FLNB: variants seen among roughly 807,000 people sequenced by gnomAD.
The protein encoded by FLNB is filamin-B.
Under a neutral mutation model 250.6 loss-of-function variants are expected in FLNB, and 111 were observed. The observed-to-expected ratio is 0.44, with a 90% CI of 0.38 to 0.52. The LOEUF is 0.52. FLNB is among the 20% of genes least tolerant of loss of function. The pLI is 0.00. For missense variants in FLNB, 2,869 were observed against 3,447.8 expected (o/e 0.83, Z 4.20); for synonymous variants, 1,302 against 1,372.1 (o/e 0.95, Z 1.13).
Position 58,159,568 on chromosome 3 carries a change from A to T in FLNB, c.6903A>T (p.Lys2301Asn). The change falls in exon 42 of 46, where the codon AAA (lysine) becomes AAT (asparagine). Residue 2301 changes from lysine (K) to asparagine (N), a missense_variant. Coordinates refer to ENST00000295956, the MANE Select transcript of FLNB (RefSeq NM_001457.4). The stretch of plus-strand genomic sequence containing the variant: ...TAAATTCTCAGGAATCGGGATTAAA[A>T]GTTAACCAGCCAGCATCCTTTGCTA... ...TVMSLQESGL[K>N]VNQPASFAIR... 6.2e-7 allele frequency: 1 copy of T among 1,614,202 alleles called. No homozygotes were observed. Among genetic ancestry groups the T allele is most frequent in the South Asian group, 1.1e-5 (1 of 91,088 alleles).
At chr3:58,018,670 C>A (rs2097109363) in intron 1 of FLNB, among the ~76,000 whole-genome samples, 1 of 152,056 alleles carries the variant, frequency 6.6e-6, no homozygotes, top group African/African-American at 2.4e-5. Flanking sequence ...CGCCTTGGCA[C>A]CACAGCCAGT....
chr3:58,092,827 C>A (rs1221248303), intron 4 of FLNB, among the ~76,000 whole-genome samples: 1 of 152,198 alleles, frequency 6.6e-6, no homozygotes, highest in African/African-American at 2.4e-5. Flanking sequence ...CTCTACTACT[C>A]CTCTCAGTAT....
chr3:58,152,884 T>A (rs2097347610), intron 38 of FLNB: 4 of 437,634 alleles, frequency 9.1e-6, no homozygotes, highest in Non-Finnish European at 1.6e-5. Context: ...TGATGTGGTC[T>A]TGCGTCCTAG....
chr3:58,130,447 TAGGATGTTAG>T (rs1575437284), intron 24 of FLNB, among the ~76,000 whole-genome samples: 2 of 152,258 alleles, frequency 1.3e-5, no homozygotes, highest in East Asian at 3.9e-4. Flanking sequence ...ATATGTTATG[TAGGATGTTAG>T]AGTGACTTGC....
chr3:58,109,369 C>A, intron 14 of FLNB, 47 bp downstream of exon 14: 2 of 1,595,146 alleles, frequency 1.3e-6, no homozygotes, highest in South Asian at 2.3e-5. Context: ...AATGCCTGGT[C>A]ATACACCAGG....
At chr3:58,113,831 AC>A (rs1292537472) in intron 18 of FLNB, among the ~76,000 whole-genome samples, 1 of 152,060 alleles carries the variant, frequency 6.6e-6, no homozygotes, top group African/African-American at 2.4e-5. Flanking sequence ...GGCACATGCC[AC>A]CACACCTGGC....
chr3:58,131,811 G>C, intron 25 of FLNB: 1 of 713,648 alleles, frequency 1.4e-6, no homozygotes, highest in African/African-American at 1.8e-5. Context: ...TTGTGTGCAT[G>C]TATGTGTCCC....
intron 1 of FLNB, among the ~76,000 whole-genome samples, chr3:58,034,502 A>G (rs2097135320): frequency 1.3e-5 from 2 of 151,374 alleles, no homozygotes; most frequent in African/African-American, 4.9e-5. Flanking sequence ...GTTGGTTTTT[A>G]CACCAAGTAT....
At position 58,098,779 on chromosome 3, in the gene FLNB, G is replaced by A. The variant is rs367842487; in HGVS notation, c.1216G>A (p.Val406Met). Residue 406 changes from valine to methionine, a missense_variant, in exon 8 of 46, where the codon GTG becomes ATG. Physicochemically the swap from Val to Met is conservative, Grantham distance 21. This residue lies in a region of FLNB where 1,348 missense variants were observed against 1,466.7 expected (regional missense o/e 0.92). Coordinates refer to ENST00000295956, the MANE Select transcript of FLNB (RefSeq NM_001457.4). ...PQGKNTVELLVEDKGNQVYRC... is the reference protein window; with the variant it reads ...PQGKNTVELLMEDKGNQVYRC... ...GGGGAAGAACACCGTGGAGTTGCTC[G>A]TGGAAGACAAAGGAAACCAGGTGTA... 71 of 1,614,184 alleles carry A rather than the reference G, an allele frequency of 4.4e-5. No individual in the cohort carries two copies. The highest frequency in any genetic ancestry group is 1.6e-4 in the Middle Eastern group (1 of 6,062).
At position 58,102,218 on chromosome 3, in the gene FLNB, C is replaced by T. The variant is rs1559693677; in HGVS notation, c.1361C>T (p.Ala454Val). Residue 454 changes from alanine to valine, a missense_variant, in exon 9 of 46, where the codon GCC (alanine) becomes GTC (valine). Around this residue, in one of 5 missense-constraint regions of FLNB, gnomAD observed 1,348 missense variants for 1,466.7 expected, o/e 0.92. Transcript: ENST00000295956. ...GTGCTTGCAGCCTGCAATCCAAATG[C>T]CTGCCGGGCCAGTGGCCGAGGCCTA... ...VQVGEACNPN[A>V]CRASGRGLQP... 1.2e-6 allele frequency: 2 copies of T among 1,614,196 alleles called. No individual in the cohort carries two copies. Among genetic ancestry groups the T allele is most frequent in the South Asian group, 1.1e-5 (1 of 91,082 alleles).
At position 58,054,560 on chromosome 3, in the gene FLNB, A is replaced by G. The variant is rs117312545; in HGVS notation, c.293-22486A>G. ...GGGAAGCAAACATGTCCTTCTTCACATGGAGGCCGCAGCAAGGAGAAGTGC... is the reference window on the plus strand; with the variant it reads ...GGGAAGCAAACATGTCCTTCTTCACGTGGAGGCCGCAGCAAGGAGAAGTGC... On this transcript the variant is annotated intron_variant, in intron 1 of 45. Transcript: ENST00000295956. 2.1e-3 allele frequency among the ~76,000 whole-genome samples: 324 copies of G among 152,294 alleles called. 11 individuals carry two copies. In the East Asian group the frequency reaches 0.058, roughly 27 times the overall value.
chr3:58,170,881 T>A lies in FLNB; in HGVS notation c.*119T>A. The A allele has an allele frequency of 1.1e-6, 1 of 908,070 alleles. No individual in the cohort carries two copies. Among genetic ancestry groups the A allele is most frequent in the Admixed American group, 2.1e-5 (1 of 48,214 alleles). The allele number at this position is 908,070 out of a possible 1,614,324, so 56.3% of individuals were successfully genotyped here. A position where few individuals can be genotyped will look rare whatever the true frequency, so the allele number is the denominator to read the frequency against. On this transcript the variant is annotated 3_prime_UTR_variant, in exon 46 of 46. Transcript: ENST00000295956. The stretch of plus-strand genomic sequence containing the variant: ...GGGCTGAAACCCCATCCCTAAAATA[T>A]TGCTGTTGTAAAATGCCTTCAGAAA...
chr3:58,110,270 T>C (rs1400891176), intron 16 of FLNB, 100 bp downstream of exon 16: 1 of 1,272,108 alleles, frequency 7.9e-7, no homozygotes, highest in East Asian at 2.4e-5. Flanking sequence ...TTTGTTAGTA[T>C]TATTATTTTT....
chr3:58,070,439 G>T (rs1384739409), intron 1 of FLNB, among the ~76,000 whole-genome samples: 1 of 152,144 alleles, frequency 6.6e-6, no homozygotes, highest in Non-Finnish European at 1.5e-5. Flanking sequence ...GAAAAATAAG[G>T]TTCAGAGATG....
chr3:58,154,978 T>G (rs1384739815), intron 40 of FLNB, 50 bp downstream of exon 40: 1 of 1,587,622 alleles, frequency 6.3e-7, no homozygotes, highest in East Asian at 2.2e-5. Flanking sequence ...TGAACATGAT[T>G]AGGTTGCAAG....
rs2097240280 is a variant in FLNB, at chr3:58,097,120, A to G, written c.985-695A>G. On this transcript the variant is annotated intron_variant, in intron 6 of 45. Coordinates refer to ENST00000295956, the MANE Select transcript of FLNB (RefSeq NM_001457.4). ...AGCCCTCAACAGCACATAAAGGCCAATCCCATCATGTACCTGCCCAGACTT... is the reference window on the plus strand; with the variant it reads ...AGCCCTCAACAGCACATAAAGGCCAGTCCCATCATGTACCTGCCCAGACTT... Among the ~76,000 whole-genome samples, 3 of 152,188 alleles carry G rather than the reference A, an allele frequency of 2.0e-5. No homozygotes were observed. In the South Asian group the frequency reaches 6.2e-4, roughly 32 times the overall value.
At chr3:58,046,533 T>G (rs1331451453) in intron 1 of FLNB, among the ~76,000 whole-genome samples, 1 of 150,858 alleles carries the variant, frequency 6.6e-6, no homozygotes, top group Non-Finnish European at 1.5e-5. Flanking sequence ...CACTGCAACC[T>G]CCATCTCCCA....
At chr3:58,090,093 G>A (rs989945138) in intron 4 of FLNB, among the ~76,000 whole-genome samples, 6 of 152,014 alleles carry the variant, frequency 3.9e-5, no homozygotes, top group African/African-American at 7.2e-5. Flanking sequence ...CACTGGACCC[G>A]GCCTCTGTAA....
chr3:58,097,643 G>A (rs2097241353), intron 6 of FLNB, among the ~76,000 whole-genome samples, 172 bp from the exon 7 acceptor site: 1 of 152,188 alleles, frequency 6.6e-6, no homozygotes, highest in Admixed American at 6.5e-5. Flanking sequence ...GGGGCCAGGT[G>A]GGAGTCCCAT....
Sources: gnomAD v4.1 joint callset for allele counts (sites outside exome capture counted in the v4.1 genomes callset) on GRCh38, gnomAD v4.1.1 for gene constraint, gnomAD v4.1.1 regional missense constraint, MANE v1.5 for transcripts, NCBI Gene and HGNC (gene_info 2026-07-23, HGNC 2026-07-21) for gene names.